The following COL1A1 variants were observed in gnomAD, a reference collection of about 807,000 sequenced individuals.
COL1A1 encodes the protein collagen type I alpha 1 chain.
A neutral mutation model predicts 195.7 loss-of-function variants in COL1A1; 21 were observed. That is an observed-to-expected ratio of 0.11 (90% CI 0.08 to 0.15). COL1A1 has a LOEUF of 0.15. Ranked by LOEUF, COL1A1 falls within the 10% of genes least tolerant of loss-of-function variation. COL1A1 has a pLI of 1.00. For synonymous variants in COL1A1, 749 were observed against 747.3 expected (o/e 1.00, Z -0.04); for missense variants, 1,365 against 2,051.0 (o/e 0.67, Z 6.46).
At position 50,195,840 on chromosome 17, in the gene COL1A1, G is replaced by A; in HGVS notation, c.1056+83C>T. 1 of 1,503,318 alleles carries A rather than the reference G, an allele frequency of 6.7e-7. No homozygotes were observed. The highest frequency in any genetic ancestry group is 1.2e-5 in the South Asian group (1 of 83,330). The allele number at this position is 1,503,318 out of a possible 1,614,324, so 93.1% of individuals were successfully genotyped here. A position where few individuals can be genotyped will look rare whatever the true frequency, so the allele number is the denominator to read the frequency against. ...GAACGGGCTGCTCTCTTGCCACTCT[G>A]GGTCCCTTTGGTTTGGGGAACAGGG... On this transcript the variant is annotated intron_variant, in intron 16 of 50. Transcript: ENST00000225964. The surrounding 1 kb of genome is among the most constrained non-coding windows in gnomAD (Gnocchi z 4.3).
Position 50,188,834 on chromosome 17 carries a change from G to A in COL1A1, c.3046-39C>T, listed in dbSNP as rs1321748679. 3 of 1,611,774 alleles carry A rather than the reference G, an allele frequency of 1.9e-6. No individual in the cohort carries two copies. The highest frequency in any genetic ancestry group is 2.5e-6 in the Non-Finnish European group (3 of 1,177,962). ...GAGAGAGAAGTGAGAGTCAGCCGGG[G>A]AAGAGGGCTTAGGCAAGGCCACAAT... is the stretch of plus-strand genomic sequence containing the variant. On this transcript the variant is annotated intron_variant, in intron 41 of 50. Coordinates refer to ENST00000225964, the MANE Select transcript of COL1A1 (RefSeq NM_000088.4). The surrounding 1 kb of genome is among the most constrained non-coding windows in gnomAD (Gnocchi z 5.6).
chr17:50,185,670 G>C (rs369077144), intron 50 of COL1A1, 22 bp from the exon 51 acceptor site: 1 of 1,612,844 alleles, frequency 6.2e-7, no homozygotes. Flanking sequence ...CGGAGACAAC[G>C]GGAGGGGGCA....
Position 50,189,423 on chromosome 17 carries a change from G to C in COL1A1, c.2783C>G (p.Pro928Arg). The change falls in exon 39 of 51, where the codon CCT becomes CGT. Residue 928 changes from proline (P) to arginine (R), a missense_variant. Physicochemically the swap from Pro to Arg is moderately radical, Grantham distance 103 (BLOSUM62 -2). Around this residue, in one of 5 missense-constraint regions of COL1A1, gnomAD observed 671 missense variants for 1,099.9 expected, o/e 0.61. Transcript: ENST00000225964. The surrounding 1 kb of genome is among the most constrained non-coding windows in gnomAD (Gnocchi z 5.5). Reference protein sequence around the residue: ...RPGEVGPPGPPGPAGEKGSPG... With the variant: ...RPGEVGPPGPRGPAGEKGSPG... ...GGATCCTTTCTCGCCAGCAGGGCCA[G>C]GGGGACCAGGGGGACCAACTTCACC... 6.2e-7 allele frequency: 1 copy of C among 1,613,286 alleles called. No homozygotes were observed. The highest frequency in any genetic ancestry group is 8.5e-7 in the Non-Finnish European group (1 of 1,179,804).
chr17:50,185,398 C>T lies in COL1A1; in HGVS notation c.*104G>A, dbSNP rs774727896. ...CCAAAGTCCATGTGAAATTGTCTCCCATTTTTTGGCTTTTGAGGGGGTTCA... is the reference window on the plus strand; with the variant it reads ...CCAAAGTCCATGTGAAATTGTCTCCTATTTTTTGGCTTTTGAGGGGGTTCA... On this transcript the variant is annotated 3_prime_UTR_variant, in exon 51 of 51. Transcript: ENST00000225964. The T allele has an allele frequency of 3.9e-5, 50 of 1,271,006 alleles. No homozygotes were observed. The highest frequency in any genetic ancestry group is 2.6e-4 in the East Asian group (11 of 42,760). The allele number at this position is 1,271,006 out of a possible 1,614,324, so 78.7% of individuals were successfully genotyped here.
rs1381085992 is a variant in COL1A1 at position 50,184,618 on chromosome 17, C to T, written c.*884G>A. 5.1e-6 allele frequency: 1 copy of T among 195,040 alleles called. No individual in the cohort carries two copies. Among genetic ancestry groups the T allele is most frequent in the Non-Finnish European group, 1.0e-5 (1 of 95,686 alleles). The allele number at this position is 195,040 out of a possible 1,614,324, so 12.1% of individuals were successfully genotyped here. On this transcript the variant is annotated 3_prime_UTR_variant, in exon 51 of 51. Coordinates refer to ENST00000225964, the MANE Select transcript of COL1A1 (RefSeq NM_000088.4). The stretch of plus-strand genomic sequence containing the variant: ...CACCCCACCCATCACATAGATGTAG[C>T]ACCTTTGGTATAAAATGGGGAGCCG...
Position 50,188,450 on chromosome 17 carries a change from CA to C in COL1A1, c.3207+79del, listed in dbSNP as rs1382921168. The stretch of plus-strand genomic sequence containing the variant: ...CTCCCCCTGCCTGGGTGAAGTCCGA[CA>C]CCCATCCCCAGGCCTCTAAGGAGGC... On this transcript the variant is annotated intron_variant, in intron 43 of 50. Transcript: ENST00000225964. This position sits in a 1 kb window ranked among gnomAD's most constrained non-coding sequence, Gnocchi z 5.6. 2.2e-6 allele frequency: 3 copies of C among 1,367,454 alleles called. No homozygotes were observed. In the East Asian group the frequency reaches 6.9e-5, roughly 31 times the overall value. The allele number at this position is 1,367,454 out of a possible 1,614,324, so 84.7% of individuals were successfully genotyped here.
chr17:50,193,718 T>G (rs540190726), intron 25 of COL1A1: 7 of 555,930 alleles, frequency 1.3e-5, no homozygotes, highest in East Asian at 3.3e-5. Flanking sequence ...CCTGACCTCA[T>G]GGTCTGCCCG....
intron 26 of COL1A1, 25 bp downstream of exon 26, chr17:50,192,969 G>A (rs1309689442): frequency 2.5e-6 from 4 of 1,613,546 alleles, no homozygotes; most frequent in Admixed American, 3.3e-5. Flanking sequence ...TGGGAAGGAG[G>A]TAGGGATGGA....
rs973311997 is a variant in COL1A1 at position 50,189,671 on chromosome 17, A to G, written c.2667+8T>C. On this transcript the variant is annotated splice_region_variant and intron_variant, in intron 38 of 50. Coordinates refer to ENST00000225964, the MANE Select transcript of COL1A1 (RefSeq NM_000088.4). This position sits in a 1 kb window ranked among gnomAD's most constrained non-coding sequence, Gnocchi z 5.5. ...CCTAGAGCAGTGGACTCTGCTGCAGAGACTTACAGAGGGGCCAGGAGGACC... is the reference window on the plus strand; with the variant it reads ...CCTAGAGCAGTGGACTCTGCTGCAGGGACTTACAGAGGGGCCAGGAGGACC... 6.2e-7 allele frequency: 1 copy of G among 1,612,784 alleles called. No homozygotes were observed. Among genetic ancestry groups the G allele is most frequent in the African/African-American group, 1.3e-5 (1 of 74,504 alleles).
intron 25 of COL1A1, 87 bp from the exon 26 acceptor site, chr17:50,193,134 T>C (rs1020709871): frequency 1.5e-5 from 20 of 1,318,694 alleles, no homozygotes; most frequent in African/African-American, 1.3e-4. Context: ...AGTGGGACTT[T>C]TTAAGGGACT....
rs781614679 is a variant in COL1A1, at chr17:50,186,700, G to A, written c.3754C>T (p.Arg1252Cys). 4.0e-5 allele frequency: 64 copies of A among 1,613,500 alleles called. No individual in the cohort carries two copies. Among genetic ancestry groups the A allele is most frequent in the African/African-American group, 5.3e-5 (4 of 74,908 alleles). The part of the protein sequence containing the change: ...IENIRSPEGS[R>C]KNPARTCRDL... ...CGGCAGGTGCGGGCGGGGTTCTTGC[G>A]GCTGCCCTCTGGGCTCCGGATGTTC... The change falls in exon 48 of 51, where the codon CGC becomes TGC. Residue 1252 changes from arginine (R) to cysteine (C), a missense_variant. Transcript: ENST00000225964. The surrounding 1 kb of genome is among the most constrained non-coding windows in gnomAD (Gnocchi z 5.3).
At chr17:50,193,891 G>A (rs1264061892) in intron 25 of COL1A1, 52 bp downstream of exon 25, 18 of 1,523,676 alleles carry the variant, frequency 1.2e-5, no homozygotes, top group Admixed American at 1.7e-5. Context: ...ACTCCTTCAA[G>A]TCTCAGGTGT....
rs757272365 is a variant in COL1A1 at position 50,189,017 on chromosome 17, G to C, written c.2938-7C>G. On this transcript the variant is annotated splice_region_variant and splice_polypyrimidine_tract_variant and intron_variant, in intron 40 of 50. Coordinates refer to ENST00000225964, the MANE Select transcript of COL1A1 (RefSeq NM_000088.4). The surrounding 1 kb of genome is among the most constrained non-coding windows in gnomAD (Gnocchi z 5.5). ...CTTGTTTGCCAGGTTCACCCTAAGG[G>C]AGAAGAAAGAGTCAGGCCAGAGATA... is the stretch of plus-strand genomic sequence containing the variant. 1.2e-6 allele frequency: 2 copies of C among 1,611,026 alleles called. No individual in the cohort carries two copies. Among genetic ancestry groups the C allele is most frequent in the Non-Finnish European group, 1.7e-6 (2 of 1,177,402 alleles).
chr17:50,190,671 TC>T lies in COL1A1; in HGVS notation c.2344-76del. 1 of 1,542,126 alleles carries T rather than the reference TC, an allele frequency of 6.5e-7. No homozygotes were observed. Among genetic ancestry groups the T allele is most frequent in the Non-Finnish European group, 8.9e-7 (1 of 1,121,086 alleles). ...CCTAGTAGATGACCCCAGGAGAGCC[TC>T]CCCTCCTTCTGGTCCCTCCAGGTTC... On this transcript the variant is annotated intron_variant, in intron 33 of 50. Transcript: ENST00000225964. This position sits in a 1 kb window ranked among gnomAD's most constrained non-coding sequence, Gnocchi z 4.7.
Position 50,184,598 on chromosome 17 carries a change from C to T in COL1A1, c.*904G>A, listed in dbSNP as rs920991964. The T allele has an allele frequency of 4.3e-6, 1 of 230,034 alleles. No homozygotes were observed. The allele number at this position is 230,034 out of a possible 1,614,324, so 14.2% of individuals were successfully genotyped here. A position where few individuals can be genotyped will look rare whatever the true frequency, so the allele number is the denominator to read the frequency against. The stretch of plus-strand genomic sequence containing the variant: ...AGCACCAGTGATTCCCTCCCCACCC[C>T]ACCCATCACATAGATGTAGCACCTT... On this transcript the variant is annotated 3_prime_UTR_variant, in exon 51 of 51. Coordinates refer to ENST00000225964, the MANE Select transcript of COL1A1 (RefSeq NM_000088.4).
intron 29 of COL1A1, 66 bp downstream of exon 29, chr17:50,192,409 G>A: frequency 6.6e-7 from 1 of 1,513,576 alleles, no homozygotes; most frequent in South Asian, 1.2e-5. Context: ...GATTAGCTAG[G>A]AGCGGGGGCC....
Position 50,192,630 on chromosome 17 carries a change from G to A in COL1A1, c.1929+10C>T, listed in dbSNP as rs1295726459. The A allele has an allele frequency of 1.2e-6, 2 of 1,614,118 alleles. No homozygotes were observed. The highest frequency in any genetic ancestry group is 1.7e-6 in the Non-Finnish European group (2 of 1,180,044). Reference sequence around the variant, plus strand: ...TACCTCCCAGCATCCTGACAGCCATGAGGCCTCACCTGGAATCCGGGGGAG... The same window carrying A: ...TACCTCCCAGCATCCTGACAGCCATAAGGCCTCACCTGGAATCCGGGGGAG... On this transcript the variant is annotated intron_variant, in intron 28 of 50. Coordinates refer to ENST00000225964, the MANE Select transcript of COL1A1 (RefSeq NM_000088.4).
intron 5 of COL1A1, chr17:50,198,822 G>A (rs1266836225): frequency 2.3e-6 from 1 of 437,970 alleles, no homozygotes; most frequent in Non-Finnish European, 4.2e-6. Flanking sequence ...ATCCTGGACT[G>A]GATCCCAGAT....
In COL1A1 at chr17:50,201,612, G is replaced by A. The variant is rs769939028; in HGVS notation, c.-99C>T. ...TCCGCGTGCCTCCTGCTCCGACCCC[G>A]AGGAGAAACTCCCGTCTGCTCCGAC... On this transcript the variant is annotated 5_prime_UTR_variant, in exon 1 of 51. Transcript: ENST00000225964. 9 of 1,042,424 alleles carry A rather than the reference G, an allele frequency of 8.6e-6. No individual in the cohort carries two copies. The highest frequency in any genetic ancestry group is 1.2e-5 in the Non-Finnish European group (9 of 724,960). The allele number at this position is 1,042,424 out of a possible 1,614,324, so 64.6% of individuals were successfully genotyped here.
Sources: gnomAD v4.1 joint callset for allele counts on GRCh38, gnomAD v4.1.1 for gene constraint, gnomAD v4.1.1 regional missense constraint, Gnocchi (gnomAD v3.1) non-coding constraint, MANE v1.5 for transcripts, NCBI Gene and HGNC (gene_info 2026-07-23, HGNC 2026-07-21) for gene names.